SRBD1: variants seen among roughly 807,000 people sequenced by gnomAD.
SRBD1 encodes the protein S1 RNA-binding domain-containing protein 1.
In SRBD1, 88 loss-of-function variants were observed where a neutral mutation model predicts 115.3. That is an observed-to-expected ratio of 0.76 (90% CI 0.64 to 0.91). The LOEUF is 0.91. Among genes scored for constraint, SRBD1 ranks in the 40% least tolerant of loss-of-function variants. The probability of loss-of-function intolerance (pLI) is 0.00; values close to 1 mark genes in which losing one functional copy is unlikely to be tolerated. For missense variants in SRBD1, 1,385 were observed against 1,177.4 expected (o/e 1.18, Z -2.58); for synonymous variants, 509 against 407.7 (o/e 1.25, Z -2.99).
chr2:45,480,158 AC>A (rs1669917045), intron 15 of SRBD1, among the ~76,000 whole-genome samples: 1 of 152,326 alleles, frequency 6.6e-6, no homozygotes, highest in Admixed American at 6.5e-5. Flanking sequence ...ATGGAGATGT[AC>A]AAGATTAATA....
At chr2:45,571,162 A>G (rs1672994209) in intron 9 of SRBD1, among the ~76,000 whole-genome samples, 1 of 152,150 alleles carries the variant, frequency 6.6e-6, no homozygotes, top group Non-Finnish European at 1.5e-5. Context: ...GCTACGGCAG[A>G]GCTGTTAATG....
intron 16 of SRBD1, among the ~76,000 whole-genome samples, chr2:45,462,695 G>A (rs188246077): frequency 0.017 from 2,540 of 151,386 alleles, 65 homozygotes; most frequent in African/African-American, 0.058. Context: ...GCGTGGTGTC[G>A]GGCACCTGTA....
At chr2:45,539,996 T>C (rs1302367913) in intron 14 of SRBD1, among the ~76,000 whole-genome samples, 2 of 152,056 alleles carry the variant, frequency 1.3e-5, no homozygotes, top group African/African-American at 2.4e-5. Context: ...GACAGAATCA[T>C]CAAGCAGATT....
At chr2:45,543,116 T>C (rs1671999444) in intron 14 of SRBD1, among the ~76,000 whole-genome samples, 1 of 152,210 alleles carries the variant, frequency 6.6e-6, no homozygotes, top group Non-Finnish European at 1.5e-5. Flanking sequence ...TTCACGAACA[T>C]TTTCAACTTT....
chr2:45,460,382 G>A (rs140563539), intron 16 of SRBD1, among the ~76,000 whole-genome samples: 2 of 152,158 alleles, frequency 1.3e-5, no homozygotes, highest in African/African-American at 2.4e-5. Flanking sequence ...CACACCATAT[G>A]AGGGGGGTTC....
chr2:45,460,716 T>A lies in SRBD1; in HGVS notation c.2049+16277A>T, dbSNP rs3770265. On this transcript the variant is annotated intron_variant, in intron 16 of 20. Coordinates refer to ENST00000263736, the MANE Select transcript of SRBD1 (RefSeq NM_018079.5). Reference sequence around the variant, plus strand: ...ACCATTATGAACACAAATTCTCTTTTAAAAATTTAAATGCTGGCTTACATA... The same window carrying A: ...ACCATTATGAACACAAATTCTCTTTAAAAAATTTAAATGCTGGCTTACATA... 9.8e-5 allele frequency among the ~76,000 whole-genome samples: 15 copies of A among 152,340 alleles called. No homozygotes were observed. The East Asian group carries it at 2.9e-3, about 29-fold the overall frequency.
At chr2:45,414,811 CACATAT>C (rs1469207336) in intron 18 of SRBD1, among the ~76,000 whole-genome samples, 2 of 139,674 alleles carry the variant, frequency 1.4e-5, no homozygotes, top group Admixed American at 7.0e-5. Flanking sequence ...TATGTACACA[CACATAT>C]AGTGTGTATA....
At chr2:45,593,419 G>A (rs995483471) in intron 4 of SRBD1, among the ~76,000 whole-genome samples, 2 of 152,098 alleles carry the variant, frequency 1.3e-5, no homozygotes, top group African/African-American at 2.4e-5. Flanking sequence ...AATTATGGGG[G>A]GCGGTTTCCC....
intron 14 of SRBD1, among the ~76,000 whole-genome samples, chr2:45,540,071 G>A (rs939536854): frequency 2.6e-5 from 4 of 152,170 alleles, no homozygotes; most frequent in Non-Finnish European, 5.9e-5. Context: ...GGCCAGGCAT[G>A]GTGGCTCACG....
At chr2:45,538,452 C>G (rs1370627974) in intron 14 of SRBD1, among the ~76,000 whole-genome samples, 2 of 152,210 alleles carry the variant, frequency 1.3e-5, no homozygotes, top group African/African-American at 4.8e-5. Context: ...AACTAACCTG[C>G]AAATCCCGAT....
intron 16 of SRBD1, among the ~76,000 whole-genome samples, chr2:45,466,492 A>C (rs1228919946): frequency 2.0e-5 from 3 of 152,104 alleles, no homozygotes; most frequent in African/African-American, 7.2e-5. Flanking sequence ...ATTTGTATAC[A>C]CTTGTCTCTC....
chr2:45,442,157 G>C lies in SRBD1; in HGVS notation c.2050-22263C>G, dbSNP rs900555071. On this transcript the variant is annotated intron_variant, in intron 16 of 20. Coordinates refer to ENST00000263736, the MANE Select transcript of SRBD1 (RefSeq NM_018079.5). ...CCGGTATGCAAAGACACACTAGGAA[G>C]TCCTGACATGTCAGCTCCCAGGTCA... Among the ~76,000 whole-genome samples the C allele has an allele frequency of 1.2e-4, 19 of 152,296 alleles. No homozygotes were observed. In the South Asian group the frequency reaches 2.9e-3, roughly 23 times the overall value.
intron 10 of SRBD1, among the ~76,000 whole-genome samples, chr2:45,556,796 T>C (rs895643297): frequency 2.0e-5 from 3 of 152,054 alleles, no homozygotes; most frequent in African/African-American, 7.2e-5. Flanking sequence ...TACTTAAGTA[T>C]ATCTGTGCTA....
At chr2:45,552,680 A>T (rs1240833753) in intron 11 of SRBD1, among the ~76,000 whole-genome samples, 1 of 152,244 alleles carries the variant, frequency 6.6e-6, no homozygotes, top group Non-Finnish European at 1.5e-5. Flanking sequence ...GATGTTAGAC[A>T]GCTTGAAGTG....
intron 19 of SRBD1, among the ~76,000 whole-genome samples, chr2:45,403,296 T>C (rs1054574253): frequency 6.6e-6 from 1 of 151,532 alleles, no homozygotes; most frequent in Non-Finnish European, 1.5e-5. Flanking sequence ...ATTTTGTTTA[T>C]ACAACTGCAT....
intron 1 of SRBD1, among the ~76,000 whole-genome samples, chr2:45,610,914 GGA>G (rs915952980): frequency 1.0e-4 from 14 of 138,922 alleles, no homozygotes; most frequent in African/African-American, 4.1e-4. Flanking sequence ...GGCGACAGAG[GGA>G]GACTCCGTCT....
chr2:45,519,648 G>T lies in SRBD1; in HGVS notation c.1874+27084C>A, dbSNP rs1242876726. Among the ~76,000 whole-genome samples the T allele has an allele frequency of 2.0e-5, 3 of 151,954 alleles. No homozygotes were observed. The South Asian group carries it at 6.2e-4, about 32-fold the overall frequency. On this transcript the variant is annotated intron_variant, in intron 14 of 20. Coordinates refer to ENST00000263736, the MANE Select transcript of SRBD1 (RefSeq NM_018079.5). ...GTTTGGTGGTTCAAAAGAAAATTTT[G>T]TCCCTTCTTCTAACTCAGGCACATA...
chr2:45,523,384 T>C (rs565685766), intron 14 of SRBD1, among the ~76,000 whole-genome samples: 4 of 148,966 alleles, frequency 2.7e-5, no homozygotes, highest in South Asian at 2.1e-4. Context: ...AATAAAGAAA[T>C]GAACTCCAAA....
intron 14 of SRBD1, among the ~76,000 whole-genome samples, chr2:45,541,577 G>C (rs929386072): frequency 6.6e-6 from 1 of 152,268 alleles, no homozygotes. Flanking sequence ...AAAGCGGGCA[G>C]CTCCTTTCCG....
Sources: allele counts gnomAD v4.1 joint callset (sites outside exome capture counted in the v4.1 genomes callset), GRCh38; gene constraint gnomAD v4.1.1; transcripts MANE v1.5; gene names NCBI Gene and HGNC (gene_info 2026-07-23, HGNC 2026-07-21).